CFAP418: variants seen among roughly 807,000 people sequenced by gnomAD.
CFAP418 encodes cilia- and flagella-associated protein 418.
A neutral mutation model predicts 24.7 loss-of-function variants in CFAP418; 27 were observed. That is an observed-to-expected ratio of 1.09 (90% CI 0.81 to 1.51). The LOEUF is 1.51. Among genes scored for constraint, CFAP418 ranks in the 40% most tolerant of loss-of-function variants. The pLI is 0.00. For missense variants in CFAP418, 257 were observed against 255.2 expected (o/e 1.01, Z -0.05); for synonymous variants, 74 against 87.3 (o/e 0.85, Z 0.85).
intron 4 of CFAP418, among the ~76,000 whole-genome samples, chr8:95,259,179 C>A (rs1342829452): frequency 6.6e-6 from 1 of 152,028 alleles, no homozygotes; most frequent in Non-Finnish European, 1.5e-5. Flanking sequence ...GTAAGTAGAC[C>A]TCTGCCAAAA....
At chr8:95,259,971 C>T in intron 3 of CFAP418, 66 bp from the exon 4 acceptor site, 1 of 1,421,030 alleles carries the variant, frequency 7.0e-7, no homozygotes, top group Non-Finnish European at 9.5e-7. Flanking sequence ...TTAATTTGGC[C>T]ATGTTAAAAA....
rs1159966141 is a variant in CFAP418 at position 95,246,043 on chromosome 8, C to T, written c.*1574G>A. On this transcript the variant is annotated 3_prime_UTR_variant, in exon 6 of 6. Coordinates refer to ENST00000286688, the MANE Select transcript of CFAP418 (RefSeq NM_177965.4). ...TCACTGTGTTGTCCAGGCTGGAGCGCAGTGGCGCGACCTTGGCTCACTACA... is the reference window on the plus strand; with the variant it reads ...TCACTGTGTTGTCCAGGCTGGAGCGTAGTGGCGCGACCTTGGCTCACTACA... 6.6e-6 allele frequency: 1 copy of T among 151,700 alleles called. No homozygotes were observed. The highest frequency in any genetic ancestry group is 1.9e-4 in the East Asian group (1 of 5,190). The allele number at this position is 151,700 out of a possible 1,614,324, so 9.4% of individuals were successfully genotyped here. A position where few individuals can be genotyped will look rare whatever the true frequency, so the allele number is the denominator to read the frequency against.
chr8:95,258,121 G>A (rs895781418), intron 4 of CFAP418, among the ~76,000 whole-genome samples: 8 of 152,102 alleles, frequency 5.3e-5, no homozygotes, highest in Non-Finnish European at 1.2e-4. Flanking sequence ...AGTGGCTCAC[G>A]CCTGTAATCC....
rs187988455 is a variant in CFAP418, at chr8:95,263,870, C to A, written c.156-96G>T. 1.5e-3 allele frequency: 1,021 copies of A among 668,172 alleles called. 11 individuals carry two copies. The Middle Eastern group carries it at 0.018, about 12-fold the overall frequency. 41.4% of individuals were successfully genotyped at this position (668,172 alleles called of 1,614,324 possible). ...TTTTGCTTAAAGTCCATTATTAGAG[C>A]TGATAATAGAAAGATAAAAGTGATT... On this transcript the variant is annotated intron_variant, in intron 1 of 5. Transcript: ENST00000286688.
chr8:95,268,986 C>A, intron 1 of CFAP418, 49 bp downstream of exon 1: 1 of 1,584,152 alleles, frequency 6.3e-7, no homozygotes, highest in Non-Finnish European at 8.6e-7. Flanking sequence ...AGCTCTAGGG[C>A]CTGGAGCAGG....
At chr8:95,250,703 T>C (rs1001136437) in intron 5 of CFAP418, among the ~76,000 whole-genome samples, 24 of 152,236 alleles carry the variant, frequency 1.6e-4, no homozygotes, top group African/African-American at 5.8e-4. Flanking sequence ...CCTAAAAGTA[T>C]GGGTTCCTAA....
At chr8:95,261,328 A>G (rs1383154600) in intron 2 of CFAP418, among the ~76,000 whole-genome samples, 1 of 152,040 alleles carries the variant, frequency 6.6e-6, no homozygotes, top group Non-Finnish European at 1.5e-5. Context: ...AATGGAAAAA[A>G]TTTTGGTACA....
chr8:95,247,842 G>C (rs1466058161), intron 5 of CFAP418, 72 bp from the exon 6 acceptor site: 9 of 1,044,724 alleles, frequency 8.6e-6, no homozygotes, highest in African/African-American at 1.7e-5. Context: ...AAAAAAAAAA[G>C]GTCATTGCTT....
In CFAP418 at chr8:95,246,465, A is replaced by C. The variant is rs1042661473; in HGVS notation, c.*1152T>G. 1.3e-5 allele frequency: 2 copies of C among 152,248 alleles called. No homozygotes were observed. The highest frequency in any genetic ancestry group is 1.3e-4 in the Admixed American group (2 of 15,284). The allele number at this position is 152,248 out of a possible 1,614,324, so 9.4% of individuals were successfully genotyped here. On this transcript the variant is annotated 3_prime_UTR_variant, in exon 6 of 6. Coordinates refer to ENST00000286688, the MANE Select transcript of CFAP418 (RefSeq NM_177965.4). ...GTAGGGTGGCTGGAATAAATTTAGC[A>C]TAAGACTAAGAAGATTATAACTTTG...
intron 5 of CFAP418, among the ~76,000 whole-genome samples, chr8:95,250,541 C>A (rs1811690486): frequency 6.6e-6 from 1 of 152,160 alleles, no homozygotes; most frequent in African/African-American, 2.4e-5. Context: ...AAAATTCATG[C>A]TTCATCTTGG....
At position 95,269,181 on chromosome 8, in the gene CFAP418, C is replaced by T. The variant is rs1003532679; in HGVS notation, c.9G>A (p.Glu3=). 3 of 1,614,132 alleles carry T rather than the reference C, an allele frequency of 1.9e-6. No individual in the cohort carries two copies. Among genetic ancestry groups the T allele is most frequent in the Non-Finnish European group, 2.5e-6 (3 of 1,179,964 alleles). The change falls in exon 1 of 6, where the codon GAG becomes GAA. Residue 3 remains glutamate, a synonymous_variant. Transcript: ENST00000286688. ...CTTCATCCAAGAGCTCGTCCAGGTC[C>T]TCCGCCATCTTGAATCGCCTGGCCT... The part of the protein sequence containing the change: MA[E]DLDELLDEVE...
intron 5 of CFAP418, among the ~76,000 whole-genome samples, chr8:95,249,498 A>G (rs1766618922): frequency 1.3e-5 from 2 of 152,166 alleles, no homozygotes. Flanking sequence ...CCCCATCTCT[A>G]CAAAATTAGC....
intron 1 of CFAP418, among the ~76,000 whole-genome samples, chr8:95,264,641 T>C (rs1181086391): frequency 1.3e-5 from 2 of 152,360 alleles, no homozygotes; most frequent in East Asian, 3.9e-4. Context: ...ACATCAACTT[T>C]ATAACTTCAT....
chr8:95,269,090 C>CGCA lies in CFAP418; in HGVS notation c.97_99dup (p.Cys33dup). ...CGGTCGCTACTGTGGGTGCCGCCGC[C>CGCA]GCAGCCTTTGGGCTGCTCGACCATA... On this transcript the variant is annotated inframe_insertion, in exon 1 of 6. Coordinates refer to ENST00000286688, the MANE Select transcript of CFAP418 (RefSeq NM_177965.4). 1 of 1,614,200 alleles carries CGCA rather than the reference C, an allele frequency of 6.2e-7. No individual in the cohort carries two copies. Among genetic ancestry groups the CGCA allele is most frequent in the Non-Finnish European group, 8.5e-7 (1 of 1,180,026 alleles).
intron 2 of CFAP418, among the ~76,000 whole-genome samples, chr8:95,261,909 T>C (rs768905732): frequency 1.9e-4 from 29 of 152,166 alleles, no homozygotes; most frequent in Non-Finnish European, 5.9e-5. Flanking sequence ...AGCAACAAAA[T>C]GATGTAATTT....
intron 3 of CFAP418, 57 bp from the exon 4 acceptor site, chr8:95,259,962 T>G: frequency 6.8e-7 from 1 of 1,460,690 alleles, no homozygotes. Context: ...TAGGAGAAGT[T>G]AATTTGGCCA....
chr8:95,268,146 A>G (rs896787494), intron 1 of CFAP418, among the ~76,000 whole-genome samples: 9 of 152,258 alleles, frequency 5.9e-5, no homozygotes, highest in Non-Finnish European at 1.2e-4. Context: ...TCCCTGAGTT[A>G]AAAAAATAAA....
chr8:95,250,972 T>A (rs1384594487), intron 5 of CFAP418, among the ~76,000 whole-genome samples: 1 of 152,202 alleles, frequency 6.6e-6, no homozygotes, highest in Non-Finnish European at 1.5e-5. Flanking sequence ...TTTATGCTAT[T>A]GAAAAGTGCT....
At position 95,269,026 on chromosome 8, in the gene CFAP418, C is replaced by T. The variant is rs1335820231; in HGVS notation, c.155+9G>A. On this transcript the variant is annotated intron_variant, in intron 1 of 5. Transcript: ENST00000286688. ...TACCAGAACAGTCCACCCCTCCCGC[C>T]CGGTTAACCTGAGCGTCTCTTTCGC... 1 of 1,613,326 alleles carries T rather than the reference C, an allele frequency of 6.2e-7. No homozygotes were observed. The highest frequency in any genetic ancestry group is 8.5e-7 in the Non-Finnish European group (1 of 1,179,524).
Sources: gnomAD v4.1 joint callset for allele counts (sites outside exome capture counted in the v4.1 genomes callset) on GRCh38, gnomAD v4.1.1 for gene constraint, MANE v1.5 for transcripts, NCBI Gene and HGNC (gene_info 2026-07-23, HGNC 2026-07-21) for gene names.